ZNF680: variants seen among roughly 807,000 people sequenced by gnomAD.
ZNF680 encodes the protein zinc finger protein 680.
In ZNF680, 6 loss-of-function variants were observed where a neutral mutation model predicts 12.1. The ratio of observed to expected loss-of-function variants is 0.49; its 90% confidence interval spans 0.27 to 0.98. The LOEUF (loss-of-function observed/expected upper bound fraction) is 0.98. Among genes scored for constraint, ZNF680 ranks in the 50% least tolerant of loss-of-function variants. The pLI, the probability that ZNF680 is intolerant of heterozygous loss-of-function variation, is 0.12. For missense variants in ZNF680, 561 were observed against 616.3 expected (o/e 0.91, Z 0.95); for synonymous variants, 170 against 199.3 (o/e 0.85, Z 1.24).
the ZNF680 span, among the ~76,000 whole-genome samples, chr7:64,503,912 C>T: frequency 6.6e-6 from 1 of 152,030 alleles, no homozygotes; most frequent in Non-Finnish European, 1.5e-5. Flanking sequence ...TAAAAACACA[C>T]TAAAAAAATC....
At chr7:64,557,014 G>A (rs1165313174) in intron 1 of ZNF680, among the ~76,000 whole-genome samples, 2 of 152,334 alleles carry the variant, frequency 1.3e-5, no homozygotes, top group Non-Finnish European at 2.9e-5. Context: ...ACTTTGGGAG[G>A]CCAAGGCGGG....
At chr7:64,548,905 G>A (rs1047232589) in intron 1 of ZNF680, among the ~76,000 whole-genome samples, 3 of 151,908 alleles carry the variant, frequency 2.0e-5, no homozygotes, top group African/African-American at 7.3e-5. Context: ...GGCGGATCAC[G>A]AGGTCAGGAG....
At chr7:64,519,531 G>A (rs956735901), downstream of ZNF680, among the ~76,000 whole-genome samples, 3 of 151,674 alleles carry the variant, frequency 2.0e-5, no homozygotes, top group African/African-American at 7.2e-5. Context: ...AAAGATACTT[G>A]CACACACGTT....
chr7:64,554,784 AGGCGG>A (rs1787312306), intron 1 of ZNF680, among the ~76,000 whole-genome samples: 1 of 152,152 alleles, frequency 6.6e-6, no homozygotes, highest in African/African-American at 2.4e-5. Flanking sequence ...AGATGCTTGA[AGGCGG>A]CATACTCGTT....
chr7:64,557,868 TAGG>T (rs1199982513), intron 1 of ZNF680, among the ~76,000 whole-genome samples: 6 of 152,106 alleles, frequency 3.9e-5, no homozygotes, highest in East Asian at 1.9e-4. Flanking sequence ...GGGTGGTGGG[TAGG>T]AGGACAGAAA....
At chr7:64,500,105 C>G in the ZNF680 span, among the ~76,000 whole-genome samples, 3 of 152,104 alleles carry the variant, frequency 2.0e-5, no homozygotes, top group African/African-American at 4.8e-5. Flanking sequence ...GCCAGCTGCC[C>G]CCCTAGGTTT....
intron 3 of ZNF680, among the ~76,000 whole-genome samples, chr7:64,527,939 C>T (rs1319858193): frequency 6.6e-6 from 1 of 152,216 alleles, no homozygotes; most frequent in Non-Finnish European, 1.5e-5. Context: ...ATGAAGCAGA[C>T]TGCTCCTACA....
In ZNF680 at chr7:64,563,061, C is replaced by G. The variant is rs1787837281; in HGVS notation, c.-107G>C. On this transcript the variant is annotated 5_prime_UTR_variant, in exon 1 of 4. Transcript: ENST00000309683. ...AAGACTAGACCTGGAGCTCCCGCAG[C>G]AGCTAGAGACAAAGGCCCCGCCAAA... The G allele has an allele frequency of 7.5e-7, 1 of 1,330,864 alleles. No homozygotes were observed. The highest frequency in any genetic ancestry group is 1.9e-5 in the Admixed American group (1 of 53,244). The allele number at this position is 1,330,864 out of a possible 1,614,324, so 82.4% of individuals were successfully genotyped here.
the ZNF680 span, among the ~76,000 whole-genome samples, chr7:64,511,799 CTGTAATCCCAGCACTT>C: frequency 6.6e-6 from 1 of 152,134 alleles, no homozygotes; most frequent in South Asian, 2.1e-4. Flanking sequence ...CAGCTCATGC[CTGTAATCCCAGCACTT>C]TGGGAGGCCA....
intron 3 of ZNF680, among the ~76,000 whole-genome samples, chr7:64,523,282 T>C (rs1791641891): frequency 6.6e-6 from 1 of 152,078 alleles, no homozygotes; most frequent in South Asian, 2.1e-4. Flanking sequence ...AATAGAACTT[T>C]TATATGCAAG....
At chr7:64,562,295 A>G (rs1171646624) in intron 1 of ZNF680, among the ~76,000 whole-genome samples, 2 of 152,120 alleles carry the variant, frequency 1.3e-5, no homozygotes, top group Admixed American at 6.6e-5. Flanking sequence ...ACATTGGGGG[A>G]AATAAAATTC....
the ZNF680 span, among the ~76,000 whole-genome samples, chr7:64,508,123 GTATATA>G: frequency 0.26 from 31,090 of 117,576 alleles, 4,199 homozygotes; most frequent in South Asian, 0.32. Context: ...ATTTTAAAAT[GTATATA>G]TATATATATA....
chr7:64,500,343 G>T, the ZNF680 span, among the ~76,000 whole-genome samples: 1 of 152,074 alleles, frequency 6.6e-6, no homozygotes, highest in African/African-American at 2.4e-5. Flanking sequence ...AGAAAAGGAA[G>T]GAAATGGATT....
intron 1 of ZNF680, 77 bp downstream of exon 1, chr7:64,562,848 G>A (rs903146812): frequency 1.3e-6 from 2 of 1,557,058 alleles, no homozygotes; most frequent in Non-Finnish European, 8.8e-7. Context: ...TTGGAGCCTG[G>A]AGTCCTGCCA....
intron 3 of ZNF680, among the ~76,000 whole-genome samples, chr7:64,541,836 A>G (rs1229946901): frequency 6.6e-6 from 1 of 152,200 alleles, no homozygotes; most frequent in African/African-American, 2.4e-5. Flanking sequence ...AGGCCTGCAG[A>G]CCTTGTCCTT....
At chr7:64,507,867 ACACACACACAC>A in the ZNF680 span, among the ~76,000 whole-genome samples, 3 of 82,352 alleles carry the variant, frequency 3.6e-5, no homozygotes, top group African/African-American at 1.7e-4. Context: ...ACACACACAC[ACACACACACAC>A]ATTTTTTTAT....
chr7:64,501,263 C>G, the ZNF680 span: 2 of 927,610 alleles, frequency 2.2e-6, no homozygotes, highest in Middle Eastern at 2.2e-4. Context: ...CCTCCTCCTC[C>G]TATTGCTTAG....
intron 3 of ZNF680, among the ~76,000 whole-genome samples, chr7:64,538,366 A>G (rs1437589567): frequency 1.3e-5 from 2 of 152,232 alleles, no homozygotes; most frequent in African/African-American, 2.4e-5. Flanking sequence ...TTTGCAAATC[A>G]CATGTGATAG....
At chr7:64,556,053 A>G (rs1280675393) in intron 1 of ZNF680, among the ~76,000 whole-genome samples, 1 of 151,826 alleles carries the variant, frequency 6.6e-6, no homozygotes, top group Non-Finnish European at 1.5e-5. Context: ...GTCTAGGAAT[A>G]CACCTAATCA....
Sources: allele counts gnomAD v4.1 joint callset (sites outside exome capture counted in the v4.1 genomes callset), GRCh38; gene constraint gnomAD v4.1.1; transcripts MANE v1.5; gene names NCBI Gene and HGNC (gene_info 2026-07-23, HGNC 2026-07-21).